Variants in GANC observed in about 807,000 individuals in gnomAD.
The protein encoded by GANC is glucosidase alpha, neutral C, also known as neutral alpha-glucosidase C.
In GANC, 117 loss-of-function variants were observed where a neutral mutation model predicts 124.2. The ratio of observed to expected loss-of-function variants is 0.94; its 90% confidence interval spans 0.81 to 1.10. The LOEUF (loss-of-function observed/expected upper bound fraction) is 1.10. Ranked by LOEUF, GANC falls within the 50% of genes least tolerant of loss-of-function variation. The probability of loss-of-function intolerance (pLI) is 0.00; values close to 1 mark genes in which losing one functional copy is unlikely to be tolerated. For synonymous variants in GANC, 377 were observed against 376.8 expected (o/e 1.00, Z -0.01); for missense variants, 1,140 against 1,095.0 (o/e 1.04, Z -0.58).
chr15:42,278,773 T>C (rs989304174), intron 3 of GANC, among the ~76,000 whole-genome samples, 183 bp downstream of exon 3: 7 of 152,154 alleles, frequency 4.6e-5, no homozygotes, highest in African/African-American at 1.4e-4. Flanking sequence ...GTGGGCAGAT[T>C]GCTCGAGCCC....
intron 6 of GANC, among the ~76,000 whole-genome samples, chr15:42,300,696 C>T (rs1427332182): frequency 6.6e-6 from 1 of 152,128 alleles, no homozygotes; most frequent in Non-Finnish European, 1.5e-5. Context: ...ATGAAACCAA[C>T]CCAAGTGCCC....
rs1428707171 is a variant in GANC at position 42,274,014 on chromosome 15, C to G, written c.-468C>G. 1 of 231,354 alleles carries G rather than the reference C, an allele frequency of 4.3e-6. No individual in the cohort carries two copies. The highest frequency in any genetic ancestry group is 1.6e-4 in the East Asian group (1 of 6,186). The allele number at this position is 231,354 out of a possible 1,614,324, so 14.3% of individuals were successfully genotyped here. On this transcript the variant is annotated 5_prime_UTR_variant, in exon 1 of 24. Transcript: ENST00000318010. Reference sequence around the variant, plus strand: ...CCAGCAAAGACCCGGCCGGCACTTCCCACCCTTAACCGAAAACGGAGACAG... The same window carrying G: ...CCAGCAAAGACCCGGCCGGCACTTCGCACCCTTAACCGAAAACGGAGACAG...
intron 3 of GANC, among the ~76,000 whole-genome samples, chr15:42,279,897 T>C (rs2051714876): frequency 6.6e-6 from 1 of 152,188 alleles, no homozygotes; most frequent in Non-Finnish European, 1.5e-5. Flanking sequence ...TCGTGGGTTC[T>C]CCATAATAAT....
At chr15:42,298,792 A>G (rs2051916653) in intron 6 of GANC, among the ~76,000 whole-genome samples, 2 of 152,154 alleles carry the variant, frequency 1.3e-5, no homozygotes, top group South Asian at 2.1e-4. Context: ...TGTTAGCTGT[A>G]TTCCTAGGTA....
intron 6 of GANC, among the ~76,000 whole-genome samples, 197 bp downstream of exon 6, chr15:42,297,853 ATT>A (rs2051906636): frequency 6.6e-6 from 1 of 152,044 alleles, no homozygotes; most frequent in Non-Finnish European, 1.5e-5. Context: ...TCATTCATTC[ATT>A]CATTCATAAA....
chr15:42,308,273 A>T lies in GANC; in HGVS notation c.677A>T (p.Tyr226Phe), dbSNP rs768987114. 1.9e-6 allele frequency: 3 copies of T among 1,610,408 alleles called. No homozygotes were observed. The highest frequency in any genetic ancestry group is 1.1e-5 in the South Asian group (1 of 90,696). ...DFSLHGFEHL[Y>F]GIPQHAESHQ... is the part of the protein sequence containing the mutation. ...TCCTTGCATGGATTTGAGCATCTTT[A>T]TGGGATCCCACAACATGCAGAATCA... Residue 226 changes from tyrosine to phenylalanine, a missense_variant, in exon 8 of 24, where the codon TAT (tyrosine) becomes TTT (phenylalanine). By Grantham distance (22) the Tyr-to-Phe change is conservative. Transcript: ENST00000318010.
At chr15:42,297,578 T>A (rs559919150) in intron 5 of GANC, 33 bp from the exon 6 acceptor site, 1 of 1,583,796 alleles carries the variant, frequency 6.3e-7, no homozygotes, top group South Asian at 1.1e-5. Context: ...AGTCTTGCCA[T>A]TGAGTGAAAC....
At position 42,278,598 on chromosome 15, in the gene GANC, G is replaced by A. The variant is rs2051700410; in HGVS notation, c.201+8G>A. On this transcript the variant is annotated splice_region_variant and intron_variant, in intron 3 of 23. Transcript: ENST00000318010. ...ATCAATGAAGCAAGTAAGGTGAGATGGAAGTATTTTCTACAGAGAATAATT... is the reference window on the plus strand; with the variant it reads ...ATCAATGAAGCAAGTAAGGTGAGATAGAAGTATTTTCTACAGAGAATAATT... The A allele has an allele frequency of 1.3e-6, 2 of 1,576,648 alleles. No homozygotes were observed. The highest frequency in any genetic ancestry group is 1.7e-6 in the Non-Finnish European group (2 of 1,148,080).
intron 7 of GANC, among the ~76,000 whole-genome samples, chr15:42,307,826 T>C (rs1191942020): frequency 6.6e-6 from 1 of 152,166 alleles, no homozygotes; most frequent in African/African-American, 2.4e-5. Context: ...AGTCATTTCA[T>C]CTAGTGTAGA....
chr15:42,280,792 G>T (rs1012042790), intron 3 of GANC: 1 of 608,748 alleles, frequency 1.6e-6, no homozygotes, highest in African/African-American at 1.8e-5. Context: ...GTGGTGAGCC[G>T]AAATGAAAAT....
At chr15:42,334,627 G>A (rs748685477) in intron 15 of GANC, among the ~76,000 whole-genome samples, 4 of 151,890 alleles carry the variant, frequency 2.6e-5, no homozygotes, top group African/African-American at 7.3e-5. Flanking sequence ...GCCACCGACT[G>A]AGGAAAAAAA....
chr15:42,329,460 CA>C lies in GANC; in HGVS notation c.1644+16del. ...TACGGTTTTTATCATGTAAGACATCCAAAAAGAATTAAACTGGGCTTGTGTG... is the reference window on the plus strand; with the variant it reads ...TACGGTTTTTATCATGTAAGACATCCAAAAGAATTAAACTGGGCTTGTGTG... On this transcript the variant is annotated intron_variant, in intron 14 of 23. Coordinates refer to ENST00000318010, the MANE Select transcript of GANC (RefSeq NM_198141.3). The C allele has an allele frequency of 6.2e-7, 1 of 1,600,316 alleles. No individual in the cohort carries two copies. The highest frequency in any genetic ancestry group is 8.5e-7 in the Non-Finnish European group (1 of 1,175,318).
chr15:42,299,870 C>T (rs2051929474), intron 6 of GANC, among the ~76,000 whole-genome samples: 1 of 152,148 alleles, frequency 6.6e-6, no homozygotes, highest in African/African-American at 2.4e-5. Context: ...TGGAAAGGAT[C>T]TCCTATTCAA....
intron 5 of GANC, among the ~76,000 whole-genome samples, chr15:42,295,097 G>A (rs751293882): frequency 6.7e-5 from 10 of 150,040 alleles, no homozygotes; most frequent in Non-Finnish European, 8.9e-5. Flanking sequence ...TTAGCCTCCC[G>A]AGTAGCTGGG....
intron 10 of GANC, among the ~76,000 whole-genome samples, chr15:42,319,379 C>G (rs1266828116): frequency 2.0e-5 from 3 of 151,972 alleles, no homozygotes; most frequent in Non-Finnish European, 2.9e-5. Flanking sequence ...AAAAAACACT[C>G]TGTTGCCCAG....
chr15:42,303,577 CA>C (rs1028295843), intron 6 of GANC, among the ~76,000 whole-genome samples: 2 of 149,100 alleles, frequency 1.3e-5, no homozygotes, highest in African/African-American at 4.9e-5. Flanking sequence ...GATAAAGAGT[CA>C]AGACCCACCA....
chr15:42,280,741 G>T (rs1183759359), intron 3 of GANC, among the ~76,000 whole-genome samples: 1 of 152,186 alleles, frequency 6.6e-6, no homozygotes, highest in Non-Finnish European at 1.5e-5. Context: ...ATGAAGACGT[G>T]CTGAGGTAAA....
chr15:42,352,360 C>T lies in GANC; in HGVS notation c.*221C>T. On this transcript the variant is annotated 3_prime_UTR_variant, in exon 24 of 24. Coordinates refer to ENST00000318010, the MANE Select transcript of GANC (RefSeq NM_198141.3). ...ACAATATTCCTTGTATCAAACATCT[C>T]CTTTTCTCCCTGATACATAGCCCTG... The T allele has an allele frequency of 7.5e-7, 1 of 1,333,714 alleles. No homozygotes were observed. Among genetic ancestry groups the T allele is most frequent in the Non-Finnish European group, 9.6e-7 (1 of 1,037,914 alleles). 82.6% of individuals were successfully genotyped at this position (1,333,714 alleles called of 1,614,324 possible). A position where few individuals can be genotyped will look rare whatever the true frequency, so the allele number is the denominator to read the frequency against.
At position 42,329,417 on chromosome 15, in the gene GANC, A is replaced by G. The variant is rs751102305; in HGVS notation, c.1612A>G (p.Arg538Gly). 20 of 1,613,500 alleles carry G rather than the reference A, an allele frequency of 1.2e-5. No individual in the cohort carries two copies. Among genetic ancestry groups the G allele is most frequent in the Admixed American group, 3.3e-5 (2 of 59,894 alleles). ...NAIHHGNWEH[R>G]ELHNIYGFYH... ...CATTCATCATGGCAATTGGGAGCAC[A>G]GAGAGCTCCACAACATCTACGGTTT... The change falls in exon 14 of 24, where the codon AGA becomes GGA. Residue 538 changes from arginine to glycine, a missense_variant. Coordinates refer to ENST00000318010, the MANE Select transcript of GANC (RefSeq NM_198141.3).
Sources: allele counts gnomAD v4.1 joint callset (sites outside exome capture counted in the v4.1 genomes callset), GRCh38; gene constraint gnomAD v4.1.1; transcripts MANE v1.5; gene names NCBI Gene and HGNC (gene_info 2026-07-23, HGNC 2026-07-21).